HECTD4: variants seen among roughly 807,000 people sequenced by gnomAD.
HECTD4 encodes HECT domain E3 ubiquitin protein ligase 4, also known as probable E3 ubiquitin-protein ligase HECTD4.
HECTD4 carries 114 observed loss-of-function variants against 471.5 expected under a neutral mutation model. The ratio of observed to expected loss-of-function variants is 0.24; its 90% CI spans 0.21 to 0.28. The LOEUF (loss-of-function observed/expected upper bound fraction) is 0.28. Among genes scored for constraint, HECTD4 ranks in the 10% least tolerant of loss-of-function variants. HECTD4 has a pLI of 1.00. For synonymous variants in HECTD4, 2,012 were observed against 2,256.0 expected (o/e 0.89, Z 3.07); for missense variants, 3,866 against 5,651.5 (o/e 0.68, Z 10.13).
chr12:112,176,484 T>C (rs2031453102), intron 65 of HECTD4, 112 bp downstream of exon 65: 1 of 722,088 alleles, frequency 1.4e-6, no homozygotes, highest in South Asian at 1.6e-5. Flanking sequence ...GCAGAGGCCA[T>C]CCCAGTAGGA....
At chr12:112,342,916 T>A (rs950977343) in intron 1 of HECTD4, among the ~76,000 whole-genome samples, 1 of 152,198 alleles carries the variant, frequency 6.6e-6, no homozygotes, top group African/African-American at 2.4e-5. Flanking sequence ...AACCAAAAAA[T>A]TTTACTTCTT....
chr12:112,250,020 A>G (rs781640033), intron 25 of HECTD4, 124 bp downstream of exon 25: 5 of 745,890 alleles, frequency 6.7e-6, no homozygotes, highest in Non-Finnish European at 1.1e-5. Context: ...GTTAATTTTA[A>G]CATTCATGGA....
At chr12:112,258,186 C>G (rs1003908636) in intron 20 of HECTD4, among the ~76,000 whole-genome samples, 1 of 136,580 alleles carries the variant, frequency 7.3e-6, no homozygotes, top group African/African-American at 3.0e-5. Context: ...AAGGCTCCAT[C>G]TCAGAAAAAA....
At chr12:112,171,958 C>T (rs1175191371) in intron 67 of HECTD4, among the ~76,000 whole-genome samples, 2 of 152,174 alleles carry the variant, frequency 1.3e-5, no homozygotes, top group Non-Finnish European at 2.9e-5. Context: ...GGCTGGAGTG[C>T]AATGGCGTGA....
chr12:112,270,298 A>G lies in HECTD4; in HGVS notation c.2104T>C (p.Cys702Arg), dbSNP rs750317799. The G allele has an allele frequency of 3.7e-6, 6 of 1,614,060 alleles. No individual in the cohort carries two copies. The African/African-American group carries it at 5.3e-5, about 14-fold the overall frequency. The change falls in exon 12 of 76, where the codon TGT becomes CGT. Residue 702 changes from cysteine (C) to arginine (R), a missense_variant. Cys to Arg is a radical substitution (Grantham distance 180, BLOSUM62 -3). This residue lies in a region of HECTD4 where 525 missense variants were observed against 672.6 expected (regional missense o/e 0.78). Transcript: ENST00000682272. ...PIEAHHLSSI[C>R]DIMEKAMVNG... ...ACCATGGCCTTCTCCATAATGTCAC[A>G]AATACTGCTAAGATGATGTGCTTCA...
intron 11 of HECTD4, among the ~76,000 whole-genome samples, chr12:112,272,090 C>A (rs1375603593): frequency 1.3e-5 from 2 of 151,648 alleles, no homozygotes; most frequent in African/African-American, 4.9e-5. Context: ...AAGTTGTTGC[C>A]CAGGCTGGGG....
chr12:112,354,521 T>C (rs1484263320), intron 1 of HECTD4, among the ~76,000 whole-genome samples: 1 of 152,136 alleles, frequency 6.6e-6, no homozygotes, highest in Non-Finnish European at 1.5e-5. Context: ...ACCTCGTCTC[T>C]ACAGAAGATA....
intron 1 of HECTD4, among the ~76,000 whole-genome samples, chr12:112,333,380 T>G (rs2035880719): frequency 1.3e-5 from 2 of 152,250 alleles, no homozygotes; most frequent in South Asian, 4.1e-4. Flanking sequence ...GTATTTCTGA[T>G]TATAGTCATC....
At chr12:112,373,731 G>A (rs915042454) in intron 1 of HECTD4, among the ~76,000 whole-genome samples, 8 of 152,010 alleles carry the variant, frequency 5.3e-5, no homozygotes, top group African/African-American at 7.2e-5. Context: ...GGGGCTGAGC[G>A]CAGTGGCTCA....
Position 112,193,205 on chromosome 12 carries a change from C to T in HECTD4, c.8956-14G>A, listed in dbSNP as rs773419973. The T allele has an allele frequency of 8.1e-6, 13 of 1,613,220 alleles. No homozygotes were observed. Among genetic ancestry groups the T allele is most frequent in the Non-Finnish European group, 1.0e-5 (12 of 1,179,558 alleles). On this transcript the variant is annotated splice_polypyrimidine_tract_variant and intron_variant, in intron 57 of 75. Transcript: ENST00000682272. This position sits in a 1 kb window ranked among gnomAD's most constrained non-coding sequence, Gnocchi z 5.2. ...CTCTGGTGCTGTCTGCAAAGAGACA[C>T]TGAATAAGGAAAGCCACGGGCTAAA...
intron 1 of HECTD4, among the ~76,000 whole-genome samples, chr12:112,378,522 C>T (rs1255383064): frequency 1.3e-5 from 2 of 151,982 alleles, no homozygotes; most frequent in Non-Finnish European, 2.9e-5. Flanking sequence ...CTGCGACCGG[C>T]GTAAAATTCT....
At chr12:112,233,217 T>A in intron 37 of HECTD4, 132 bp from the exon 38 acceptor site, 2 of 239,956 alleles carry the variant, frequency 8.3e-6, no homozygotes, top group Non-Finnish European at 1.5e-5. Flanking sequence ...ACATTAGCTT[T>A]TTTTTTTTTT....
At chr12:112,249,569 C>T (rs2033833516) in intron 25 of HECTD4, 1 of 153,566 alleles carries the variant, frequency 6.5e-6, no homozygotes, top group South Asian at 2.0e-4. Flanking sequence ...TTTTAAATTT[C>T]ATATATTCTC....
At chr12:112,278,318 TA>T (rs1431887561) in intron 9 of HECTD4, among the ~76,000 whole-genome samples, 1 of 152,102 alleles carries the variant, frequency 6.6e-6, no homozygotes, top group Non-Finnish European at 1.5e-5. Context: ...TTGTATATTT[TA>T]AAGGGGTGAA....
intron 1 of HECTD4, among the ~76,000 whole-genome samples, chr12:112,336,862 T>C (rs2035967815): frequency 6.6e-6 from 1 of 152,180 alleles, no homozygotes; most frequent in African/African-American, 2.4e-5. Flanking sequence ...TTTTTACAAT[T>C]TTCCAAATTT....
chr12:112,213,347 G>A lies in HECTD4; in HGVS notation c.7466-697C>T, dbSNP rs1445349261. 6.6e-6 allele frequency among the ~76,000 whole-genome samples: 1 copy of A among 151,982 alleles called. No homozygotes were observed. ...TTACTTATGACGAATAAGTAAAAAG[G>A]TATTAGTAATATCATCTCCGGTGAA... On this transcript the variant is annotated intron_variant, in intron 48 of 75. Transcript: ENST00000682272. This position sits in a 1 kb window ranked among gnomAD's most constrained non-coding sequence, Gnocchi z 4.0.
chr12:112,345,638 T>A (rs1027821239), intron 1 of HECTD4, among the ~76,000 whole-genome samples: 3 of 152,178 alleles, frequency 2.0e-5, no homozygotes, highest in African/African-American at 7.2e-5. Flanking sequence ...GATGCTATTT[T>A]AGAAAGAACA....
At chr12:112,190,105 T>C (rs1044772482) in intron 60 of HECTD4, among the ~76,000 whole-genome samples, 2 of 152,202 alleles carry the variant, frequency 1.3e-5, no homozygotes, top group South Asian at 2.1e-4. Context: ...TTCAAAAATA[T>C]AGAAAGCCTG....
chr12:112,203,337 T>TA (rs2032484513), intron 54 of HECTD4: 3 of 233,270 alleles, frequency 1.3e-5, no homozygotes, highest in Non-Finnish European at 2.5e-5. Context: ...CTTGGGTAGA[T>TA]ATAATGCAGG....
Sources: allele counts gnomAD v4.1 joint callset (sites outside exome capture counted in the v4.1 genomes callset), GRCh38; gene constraint gnomAD v4.1.1; regional missense constraint gnomAD v4.1.1; non-coding constraint Gnocchi (gnomAD v3.1); transcripts MANE v1.5; gene names NCBI Gene and HGNC (gene_info 2026-07-23, HGNC 2026-07-21).